Variants in GPC5 observed in about 807,000 individuals in gnomAD.
The protein encoded by GPC5 is glypican 5.
GPC5 carries 47 observed loss-of-function variants against 53.9 expected under a neutral mutation model. The ratio of observed to expected loss-of-function variants is 0.87; its 90% CI spans 0.69 to 1.11. GPC5 has a LOEUF of 1.11. Ranked by LOEUF, GPC5 falls within the 50% of genes most tolerant of loss-of-function variation. GPC5 has a pLI of 0.00. For synonymous variants in GPC5, 286 were observed against 263.3 expected (o/e 1.09, Z -0.84); for missense variants, 748 against 713.1 (o/e 1.05, Z -0.56).
intron 1 of GPC5, among the ~76,000 whole-genome samples, chr13:91,406,317 T>C (rs895367062): frequency 1.3e-5 from 2 of 152,176 alleles, no homozygotes; most frequent in Non-Finnish European, 2.9e-5. Flanking sequence ...GGATACTGAG[T>C]ATCTCAGATT....
intron 2 of GPC5, among the ~76,000 whole-genome samples, chr13:91,491,208 C>A (rs1159839130): frequency 1.3e-5 from 2 of 152,184 alleles, no homozygotes; most frequent in East Asian, 3.9e-4. Flanking sequence ...ATCTGTATAA[C>A]TGGCCCCCAA....
intron 3 of GPC5, among the ~76,000 whole-genome samples, chr13:91,710,585 A>G (rs1349609161): frequency 2.0e-5 from 3 of 152,162 alleles, no homozygotes; most frequent in African/African-American, 7.2e-5. Flanking sequence ...CCCATGCTAC[A>G]TCTTTCATCT....
At chr13:91,405,679 G>A (rs1485636498) in intron 1 of GPC5, among the ~76,000 whole-genome samples, 1 of 152,110 alleles carries the variant, frequency 6.6e-6, no homozygotes, top group Non-Finnish European at 1.5e-5. Flanking sequence ...ACCTGCTAGG[G>A]CCATTTTCCT....
chr13:91,713,075 C>T lies in GPC5; in HGVS notation c.1021-15457C>T, dbSNP rs147988817. On this transcript the variant is annotated intron_variant, in intron 3 of 7. Coordinates refer to ENST00000377067, the MANE Select transcript of GPC5 (RefSeq NM_004466.6). ...GCATGGAGGTGCACACCTATAATCC[C>T]AGCTACTCAGGAGACTGAAGCACGA... Among the ~76,000 whole-genome samples, 720 of 152,164 alleles carry T rather than the reference C, an allele frequency of 4.7e-3. 19 individuals are homozygous for T. The highest frequency in any genetic ancestry group is 2.1e-3 in the Non-Finnish European group (145 of 68,010).
At chr13:92,123,900 T>A (rs1055588512) in intron 6 of GPC5, among the ~76,000 whole-genome samples, 2 of 152,176 alleles carry the variant, frequency 1.3e-5, no homozygotes, top group Non-Finnish European at 2.9e-5. Flanking sequence ...TACGAAGATG[T>A]CTTCATTAAA....
intron 6 of GPC5, among the ~76,000 whole-genome samples, chr13:92,142,764 TA>T (rs1333273192): frequency 2.6e-5 from 4 of 152,090 alleles, no homozygotes; most frequent in Admixed American, 6.6e-5. Context: ...ACGATCCCAG[TA>T]AAATATTGGA....
intron 2 of GPC5, among the ~76,000 whole-genome samples, chr13:91,668,440 C>A (rs186545070): frequency 6.6e-6 from 1 of 152,164 alleles, no homozygotes; most frequent in Non-Finnish European, 1.5e-5. Context: ...TGTGGTATTG[C>A]AAATTCTTAA....
intron 7 of GPC5, among the ~76,000 whole-genome samples, chr13:92,721,805 G>T (rs1361459040): frequency 6.6e-6 from 1 of 151,938 alleles, no homozygotes; most frequent in Non-Finnish European, 1.5e-5. Context: ...ATAACAGAGG[G>T]GGGTTCATAA....
intron 7 of GPC5, among the ~76,000 whole-genome samples, chr13:92,405,637 G>A (rs531118833): frequency 1.3e-5 from 2 of 152,266 alleles, no homozygotes; most frequent in South Asian, 4.1e-4. Flanking sequence ...CCTTGTGCAA[G>A]TATTTAAAGC....
chr13:92,455,978 CT>C (rs1878250015), intron 7 of GPC5, among the ~76,000 whole-genome samples: 6 of 152,136 alleles, frequency 3.9e-5, no homozygotes, highest in Admixed American at 3.9e-4. Context: ...TCAAAAAGAC[CT>C]TTCTCAAATA....
chr13:91,987,841 C>A (rs1031770638), intron 6 of GPC5, among the ~76,000 whole-genome samples: 11 of 142,574 alleles, frequency 7.7e-5, no homozygotes, highest in Admixed American at 1.4e-4. Flanking sequence ...TATAAATATA[C>A]TATATATAAT....
intron 2 of GPC5, among the ~76,000 whole-genome samples, chr13:91,503,817 A>AATAATC (rs1555316221): frequency 2.6e-4 from 38 of 147,416 alleles, no homozygotes; most frequent in African/African-American, 8.2e-4. Flanking sequence ...TAATAATAAT[A>AATAATC]ATCAGGCTGT....
intron 7 of GPC5, among the ~76,000 whole-genome samples, chr13:92,272,338 C>T (rs901317616): frequency 2.0e-5 from 3 of 152,160 alleles, no homozygotes; most frequent in African/African-American, 7.2e-5. Flanking sequence ...CAGCCTACTG[C>T]ATTCCTGAGA....
intron 6 of GPC5, among the ~76,000 whole-genome samples, chr13:91,929,617 T>G (rs1281861653): frequency 6.6e-6 from 1 of 152,124 alleles, no homozygotes; most frequent in African/African-American, 2.4e-5. Flanking sequence ...TGATTTAATT[T>G]CAGTTTATTT....
chr13:91,448,243 A>C (rs938395467), intron 1 of GPC5, among the ~76,000 whole-genome samples: 3 of 152,224 alleles, frequency 2.0e-5, no homozygotes, highest in African/African-American at 7.2e-5. Context: ...TTGATCTCCC[A>C]GCATGTCATT....
At chr13:91,829,034 G>A (rs1250073923) in intron 5 of GPC5, among the ~76,000 whole-genome samples, 1 of 151,930 alleles carries the variant, frequency 6.6e-6, no homozygotes, top group Non-Finnish European at 1.5e-5. Flanking sequence ...GAGAAAGCAT[G>A]AATTTTACAG....
chr13:91,921,191 C>T (rs762506108), intron 6 of GPC5, among the ~76,000 whole-genome samples: 35 of 152,004 alleles, frequency 2.3e-4, no homozygotes, highest in Non-Finnish European at 3.7e-4. Context: ...TCTGCCTCGG[C>T]CTCCCAGAGT....
chr13:91,409,451 A>G (rs1198115383), intron 1 of GPC5, among the ~76,000 whole-genome samples: 2 of 152,202 alleles, frequency 1.3e-5, no homozygotes, highest in African/African-American at 4.8e-5. Context: ...ACCAAATTTT[A>G]CTTCTTCCTT....
intron 6 of GPC5, among the ~76,000 whole-genome samples, chr13:91,983,807 T>C (rs1158847791): frequency 1.3e-5 from 2 of 152,194 alleles, no homozygotes; most frequent in South Asian, 4.1e-4. Context: ...TTCATATTCG[T>C]AATTGGAATA....
Sources: allele counts gnomAD v4.1 joint callset (sites outside exome capture counted in the v4.1 genomes callset), GRCh38; gene constraint gnomAD v4.1.1; transcripts MANE v1.5; gene names NCBI Gene and HGNC (gene_info 2026-07-23, HGNC 2026-07-21).